Variants in FN1 observed in about 807,000 individuals in gnomAD.
FN1 encodes fibronectin.
A neutral mutation model predicts 297.3 loss-of-function variants in FN1; 106 were observed. The ratio of observed to expected loss-of-function variants is 0.36; its 90% confidence interval spans 0.30 to 0.42. The LOEUF (loss-of-function observed/expected upper bound fraction) is 0.42, where lower values mean the gene tolerates loss of function less well. Ranked by LOEUF, FN1 falls within the 10% of genes least tolerant of loss-of-function variation. FN1 has a pLI of 1.00. For missense variants in FN1, 2,690 were observed against 3,124.9 expected (o/e 0.86, Z 3.32); for synonymous variants, 1,149 against 1,152.6 (o/e 1.00, Z 0.06).
chr2:215,390,059 C>T (rs1450280722), intron 26 of FN1, among the ~76,000 whole-genome samples: 1 of 152,234 alleles, frequency 6.6e-6, no homozygotes. Context: ...TTCTATAAAG[C>T]CCCCTACAAA....
chr2:215,367,549 A>G lies in FN1; in HGVS notation c.7018+314T>C, dbSNP rs112861030. The G allele has an allele frequency of 2.4e-3, 942 of 388,840 alleles. 6 individuals are homozygous for G. The highest frequency in any genetic ancestry group is 0.018 in the African/African-American group (865 of 48,350). The allele number at this position is 388,840 out of a possible 1,614,324, so 24.1% of individuals were successfully genotyped here. ...TTTTCTGTGTCTCTAATACTCTTAAATAGACCTGGTTCCAAAAGTCTTTAT... is the reference window on the plus strand; with the variant it reads ...TTTTCTGTGTCTCTAATACTCTTAAGTAGACCTGGTTCCAAAAGTCTTTAT... On this transcript the variant is annotated intron_variant, in intron 42 of 45. Coordinates refer to ENST00000354785, the MANE Select transcript of FN1 (RefSeq NM_212482.4).
chr2:215,383,904 G>T (rs1446194426), intron 30 of FN1, 116 bp downstream of exon 30: 3 of 1,163,398 alleles, frequency 2.6e-6, no homozygotes, highest in East Asian at 4.9e-5. Flanking sequence ...GCTGCAGGTT[G>T]TTGCTCATTA....
At chr2:215,389,995 G>C (rs755680115) in intron 26 of FN1, among the ~76,000 whole-genome samples, 3 of 152,026 alleles carry the variant, frequency 2.0e-5, no homozygotes, top group Admixed American at 6.6e-5. Flanking sequence ...TCTAAATTTG[G>C]AACTCCTACT....
intron 6 of FN1, among the ~76,000 whole-genome samples, chr2:215,426,611 G>A (rs1310834981): frequency 2.0e-5 from 3 of 151,996 alleles, no homozygotes; most frequent in Non-Finnish European, 4.4e-5. Flanking sequence ...AGAATCCCAA[G>A]GTCAAACGTA....
Position 215,394,654 on chromosome 2 carries a change from C to T in FN1, c.3670G>A (p.Val1224Met). ...CAGGAGCTCTGATCAGCATGGACCA[C>T]TTCTTCCAAAGAATTTCCCTGCTGG... ...NGQQGNSLEE[V>M]VHADQSSCTF... is the part of the protein sequence containing the mutation. The change falls in exon 24 of 46, where the codon GTG (valine) becomes ATG (methionine). Residue 1224 changes from valine (V) to methionine (M), a missense_variant. By Grantham distance (21) the Val-to-Met change is conservative. This residue lies in a region of FN1 where 1,743 missense variants were observed against 1,945.2 expected (regional missense o/e 0.90). Transcript: ENST00000354785. 1 of 1,614,130 alleles carries T rather than the reference C, an allele frequency of 6.2e-7. No homozygotes were observed. Among genetic ancestry groups the T allele is most frequent in the Non-Finnish European group, 8.5e-7 (1 of 1,179,976 alleles).
At position 215,435,641 on chromosome 2, in the gene FN1, C is replaced by T. The variant is rs1483384189; in HGVS notation, c.148+14G>A. 1.9e-6 allele frequency: 3 copies of T among 1,613,406 alleles called. No homozygotes were observed. The East Asian group carries it at 6.7e-5, about 36-fold the overall frequency. ...CCCTGAGGCAGCCTGTTTCAGCCCG[C>T]GGTCAGTACTCACGCTTGCTTTGAC... On this transcript the variant is annotated intron_variant, in intron 1 of 45. Coordinates refer to ENST00000354785, the MANE Select transcript of FN1 (RefSeq NM_212482.4).
chr2:215,392,553 C>T (rs1321712578), intron 25 of FN1: 1 of 296,326 alleles, frequency 3.4e-6, no homozygotes, highest in Admixed American at 4.7e-5. Context: ...CATGATGGTA[C>T]ATTTTGGTGA....
chr2:215,415,673 G>A lies in FN1; in HGVS notation c.1820-715C>T, dbSNP rs896152843. On this transcript the variant is annotated intron_variant, in intron 12 of 45. Transcript: ENST00000354785. ...CAGTTGTCAACAGAAATGACTTTATGAAGTGTATACTAAATTCAGTATTTC... is the reference window on the plus strand; with the variant it reads ...CAGTTGTCAACAGAAATGACTTTATAAAGTGTATACTAAATTCAGTATTTC... Among the ~76,000 whole-genome samples the A allele has an allele frequency of 2.6e-5, 4 of 152,012 alleles. No homozygotes were observed. In the East Asian group the frequency reaches 7.7e-4, roughly 29 times the overall value.
chr2:215,373,617 C>T (rs1385849308), intron 38 of FN1, among the ~76,000 whole-genome samples: 1 of 151,758 alleles, frequency 6.6e-6, no homozygotes, highest in African/African-American at 2.4e-5. Context: ...AATTATCTTA[C>T]TATCATATCT....
intron 33 of FN1, 105 bp from the exon 34 acceptor site, chr2:215,379,422 T>G (rs2057874051): frequency 1.0e-6 from 1 of 975,520 alleles, no homozygotes; most frequent in South Asian, 1.4e-5. Context: ...TTGGGCTAGG[T>G]GGGTTCCCTG....
At chr2:215,373,768 T>C (rs568957176) in intron 38 of FN1, among the ~76,000 whole-genome samples, 1 of 148,514 alleles carries the variant, frequency 6.7e-6, no homozygotes, top group South Asian at 2.1e-4. Context: ...CAAGCTCCGC[T>C]TCCCAGGTTC....
intron 44 of FN1, 91 bp from the exon 45 acceptor site, chr2:215,362,170 C>T (rs2053597830): frequency 3.3e-6 from 3 of 917,674 alleles, no homozygotes; most frequent in Non-Finnish European, 5.3e-6. Context: ...AATGTCACAT[C>T]ATATGCACTG....
chr2:215,399,197 T>C (rs2060677407), intron 21 of FN1, 60 bp downstream of exon 21: 2 of 1,258,972 alleles, frequency 1.6e-6, no homozygotes, highest in African/African-American at 1.7e-5. Context: ...TTCCACTACA[T>C]GGGAACCACA....
At chr2:215,407,830 T>TGC (rs367672664) in intron 17 of FN1, among the ~76,000 whole-genome samples, 1 of 152,072 alleles carries the variant, frequency 6.6e-6, no homozygotes, top group African/African-American at 2.4e-5. Context: ...TGGGAACACT[T>TGC]GCTTTAATAA....
At chr2:215,379,421 G>C (rs959964393) in intron 33 of FN1, 104 bp from the exon 34 acceptor site, 1 of 1,031,638 alleles carries the variant, frequency 9.7e-7, no homozygotes, top group African/African-American at 1.6e-5. Flanking sequence ...GTTGGGCTAG[G>C]TGGGTTCCCT....
At chr2:215,418,161 A>C (rs533874673) in intron 12 of FN1, among the ~76,000 whole-genome samples, 2 of 152,340 alleles carry the variant, frequency 1.3e-5, no homozygotes, top group Admixed American at 1.3e-4. Context: ...AGCCTTCAAA[A>C]GTGAAGTCAC....
At chr2:215,364,171 C>T (rs2054069782) in intron 44 of FN1, among the ~76,000 whole-genome samples, 1 of 152,240 alleles carries the variant, frequency 6.6e-6, no homozygotes, top group Admixed American at 6.5e-5. Context: ...TCAACTATAT[C>T]ATTAAGAGCC....
chr2:215,422,499 T>C (rs760638600), intron 9 of FN1, among the ~76,000 whole-genome samples: 1 of 152,130 alleles, frequency 6.6e-6, no homozygotes, highest in Non-Finnish European at 1.5e-5. Context: ...TAAGATAATA[T>C]CTACACATCC....
chr2:215,366,775 C>T (rs547191127), intron 42 of FN1, among the ~76,000 whole-genome samples: 1 of 152,258 alleles, frequency 6.6e-6, no homozygotes, highest in African/African-American at 2.4e-5. Flanking sequence ...TTGACATCCC[C>T]GCTCCCACAA....
Sources: allele counts gnomAD v4.1 joint callset (sites outside exome capture counted in the v4.1 genomes callset), GRCh38; gene constraint gnomAD v4.1.1; regional missense constraint gnomAD v4.1.1; transcripts MANE v1.5; gene names NCBI Gene and HGNC (gene_info 2026-07-23, HGNC 2026-07-21).